Variants in EFCC1 observed in about 807,000 individuals in gnomAD.
EFCC1 encodes the protein EF-hand and coiled-coil domain-containing protein 1.
In EFCC1, 50 loss-of-function variants were observed where a neutral mutation model predicts 52.1. The ratio of observed to expected loss-of-function variants is 0.96; its 90% CI spans 0.76 to 1.21. EFCC1 has a LOEUF of 1.21. EFCC1 is among the 50% of genes most tolerant of loss of function. The pLI is 0.00. For synonymous variants in EFCC1, 399 were observed against 396.5 expected, an observed-to-expected ratio of 1.01 and a Z score of -0.08; for missense variants, 837 against 867.3, an observed-to-expected ratio of 0.97 and a Z score of 0.44.
At chr3:129,005,664 G>A (rs1186628586) in intron 2 of EFCC1, among the ~76,000 whole-genome samples, 8 of 152,214 alleles carry the variant, frequency 5.3e-5, no homozygotes, top group Non-Finnish European at 1.0e-4. Flanking sequence ...AGGTGGTCTA[G>A]CCCAGGCTGG....
At chr3:129,005,759 G>A (rs1360271722) in intron 2 of EFCC1, among the ~76,000 whole-genome samples, 1 of 152,248 alleles carries the variant, frequency 6.6e-6, no homozygotes, top group Non-Finnish European at 1.5e-5. Context: ...CATGGGGCTA[G>A]AGGGAGGCCT....
At chr3:129,030,500 T>G in intron 2 of EFCC1, 2 of 462,050 alleles carry the variant, frequency 4.3e-6, no homozygotes, top group Non-Finnish European at 7.0e-6. Context: ...TGAGTCCCAT[T>G]GGCTAAAACT....
chr3:129,015,262 C>T (rs1422530565), intron 2 of EFCC1, among the ~76,000 whole-genome samples: 4 of 152,160 alleles, frequency 2.6e-5, no homozygotes, highest in African/African-American at 9.7e-5. Flanking sequence ...AAGCCTACTC[C>T]TGACCAATCC....
At chr3:129,033,311 C>T (rs1221082208) in intron 4 of EFCC1, among the ~76,000 whole-genome samples, 2 of 152,194 alleles carry the variant, frequency 1.3e-5, no homozygotes. Flanking sequence ...CACAGCTCTC[C>T]AGCCTGGCCC....
chr3:129,002,151 C>T lies in EFCC1; in HGVS notation c.523C>T (p.Arg175Cys), dbSNP rs1944809256. ...ALSEHIETQI[R>C]LRRPRRRRRP... is the part of the protein sequence containing the mutation. Reference sequence around the variant, plus strand: ...CAGCGAGCACATCGAGACGCAGATCCGCCTGCGCCGTCCGCGCCGCCGCCG... The same window carrying T: ...CAGCGAGCACATCGAGACGCAGATCTGCCTGCGCCGTCCGCGCCGCCGCCG... Residue 175 changes from arginine to cysteine, a missense_variant, in exon 1 of 8, where the codon CGC becomes TGC. By Grantham distance (180) the Arg-to-Cys change is radical. Transcript: ENST00000683648. 6.8e-7 allele frequency: 1 copy of T among 1,470,266 alleles called. No homozygotes were observed. The highest frequency in any genetic ancestry group is 8.9e-7 in the Non-Finnish European group (1 of 1,121,174). 91.1% of individuals were successfully genotyped at this position (1,470,266 alleles called of 1,614,324 possible). A position where few individuals can be genotyped will look rare whatever the true frequency, so the allele number is the denominator to read the frequency against.
chr3:129,013,356 C>T (rs1945419420), intron 2 of EFCC1, among the ~76,000 whole-genome samples: 1 of 151,960 alleles, frequency 6.6e-6, no homozygotes, highest in African/African-American at 2.4e-5. Context: ...TGCCTTAGGC[C>T]AAAAGAAAAG....
In EFCC1 at chr3:129,040,022, C is replaced by T. The variant is rs1413419023; in HGVS notation, c.*174C>T. On this transcript the variant is annotated 3_prime_UTR_variant, in exon 8 of 8. Transcript: ENST00000683648. The surrounding 1 kb of genome is among the most constrained non-coding windows in gnomAD (Gnocchi z 4.4). ...AGCCCAGAGCCTCCCATTGCAGCACCTGGCAGCCACCCCTTCCTCGGGCTC... is the reference window on the plus strand; with the variant it reads ...AGCCCAGAGCCTCCCATTGCAGCACTTGGCAGCCACCCCTTCCTCGGGCTC... 1.3e-6 allele frequency: 1 copy of T among 771,364 alleles called. No individual in the cohort carries two copies. The highest frequency in any genetic ancestry group is 1.8e-5 in the African/African-American group (1 of 55,552). 47.8% of individuals were successfully genotyped at this position (771,364 alleles called of 1,614,324 possible). A position where few individuals can be genotyped will look rare whatever the true frequency, so the allele number is the denominator to read the frequency against.
rs1479777999 is a variant in EFCC1 at position 129,001,692 on chromosome 3, C to T, written c.64C>T (p.Arg22Ter). The T allele has an allele frequency of 1.0e-5, 15 of 1,489,794 alleles. No individual in the cohort carries two copies. In the East Asian group the frequency reaches 2.7e-4, roughly 27 times the overall value. 92.3% of individuals were successfully genotyped at this position (1,489,794 alleles called of 1,614,324 possible). Reference protein sequence around the residue: ...MEGAGGDPYRRPARRTQWLLS... With the variant: ...MEGAGGDPYR ...GGGCGCGGGAGGTGACCCGTACCGG[C>T]GACCTGCGCGGCGCACGCAGTGGCT... The change falls in exon 1 of 8, where the codon CGA becomes TGA. Residue 22 changes from arginine (R) to a stop codon, truncating the protein, a stop_gained. Transcript: ENST00000683648. LOFTEE classifies it high-confidence loss of function.
intron 2 of EFCC1, among the ~76,000 whole-genome samples, chr3:129,007,788 G>A (rs1346267205): frequency 6.6e-6 from 1 of 152,172 alleles, no homozygotes; most frequent in East Asian, 1.9e-4. Context: ...GTTCATGTTA[G>A]GGCTTCTATT....
chr3:129,021,835 C>T (rs1227572207), intron 2 of EFCC1, among the ~76,000 whole-genome samples: 1 of 152,134 alleles, frequency 6.6e-6, no homozygotes, highest in African/African-American at 2.4e-5. Flanking sequence ...TATCATAAAA[C>T]TCCTTTCCTT....
chr3:129,016,307 C>T (rs569771277), intron 2 of EFCC1, among the ~76,000 whole-genome samples: 212 of 152,266 alleles, frequency 1.4e-3, no homozygotes, highest in African/African-American at 4.8e-3. Flanking sequence ...GCCAAACAGG[C>T]TTCTGTGTGA....
At position 129,001,505 on chromosome 3, in the gene EFCC1, C is replaced by G. The variant is rs147900895; in HGVS notation, c.-124C>G. 7.7e-7 allele frequency: 1 copy of G among 1,303,600 alleles called. No homozygotes were observed. Among genetic ancestry groups the G allele is most frequent in the Non-Finnish European group, 9.8e-7 (1 of 1,024,436 alleles). 80.8% of individuals were successfully genotyped at this position (1,303,600 alleles called of 1,614,324 possible). A position where few individuals can be genotyped will look rare whatever the true frequency, so the allele number is the denominator to read the frequency against. On this transcript the variant is annotated 5_prime_UTR_variant, in exon 1 of 8. Transcript: ENST00000683648. The stretch of plus-strand genomic sequence containing the variant: ...CGCAGCTGCTGGACACGGTCCCCGG[C>G]GCCGCTCCAACCAGACCGCGACCGC...
chr3:129,038,654 G>A (rs991200227), intron 6 of EFCC1, among the ~76,000 whole-genome samples, 177 bp from the exon 7 acceptor site: 20 of 152,174 alleles, frequency 1.3e-4, no homozygotes, highest in Non-Finnish European at 2.6e-4. Flanking sequence ...AAGAGTCTCT[G>A]GGAAGTGCAG....
intron 4 of EFCC1, among the ~76,000 whole-genome samples, chr3:129,033,430 C>A (rs1450457315): frequency 6.6e-6 from 1 of 152,180 alleles, no homozygotes; most frequent in Non-Finnish European, 1.5e-5. Context: ...CTTCTCCGAA[C>A]CTCAGTCTTC....
chr3:129,002,425 G>C (rs956048000), intron 1 of EFCC1, 101 bp downstream of exon 1: 3 of 1,419,092 alleles, frequency 2.1e-6, no homozygotes, highest in African/African-American at 3.0e-5. Context: ...CAGAGGAAGG[G>C]GAGACAGAGG....
intron 2 of EFCC1, among the ~76,000 whole-genome samples, chr3:129,024,539 AG>A (rs1946014762): frequency 6.6e-6 from 1 of 151,372 alleles, no homozygotes; most frequent in Non-Finnish European, 1.5e-5. Flanking sequence ...GCAAAAAAAA[AG>A]AAAAAAAAAA....
Position 129,001,357 on chromosome 3 carries a change from A to G in EFCC1, c.-272A>G, listed in dbSNP as rs997156769. The stretch of plus-strand genomic sequence containing the variant: ...AGAGGAGAGCGTGGGAGTCACGCGG[A>G]GAAGCCAGACCCAGACGCCGACCGG... On this transcript the variant is annotated 5_prime_UTR_variant, in exon 1 of 8. Coordinates refer to ENST00000683648, the MANE Select transcript of EFCC1 (RefSeq NM_001377500.1). 6.6e-6 allele frequency among the ~76,000 whole-genome samples: 1 copy of G among 152,196 alleles called. No homozygotes were observed. Among genetic ancestry groups the G allele is most frequent in the Non-Finnish European group, 1.5e-5 (1 of 68,022 alleles).
At position 129,014,456 on chromosome 3, in the gene EFCC1, G is replaced by T. The variant is rs145617808; in HGVS notation, c.980+10379G>T. Among the ~76,000 whole-genome samples, 755 of 152,324 alleles carry T rather than the reference G, an allele frequency of 5.0e-3. 7 individuals carry two copies. Among genetic ancestry groups the T allele is most frequent in the African/African-American group, 0.017 (718 of 41,576 alleles). On this transcript the variant is annotated intron_variant, in intron 2 of 7. Transcript: ENST00000683648. The surrounding 1 kb of genome is among the most constrained non-coding windows in gnomAD (Gnocchi z 4.3). ...AGGGCCGCCTTCTCCCTGTATCCTC[G>T]CGTGGTCTTCCTTCTGTGTGTATTT... is the stretch of plus-strand genomic sequence containing the variant.
intron 1 of EFCC1, among the ~76,000 whole-genome samples, chr3:129,003,494 G>A (rs541552320): frequency 1.2e-4 from 19 of 152,140 alleles, no homozygotes; most frequent in African/African-American, 3.6e-4. Flanking sequence ...AGAGTCGCGA[G>A]GTTGGTACTA....
Sources: gnomAD v4.1 joint callset for allele counts (sites outside exome capture counted in the v4.1 genomes callset) on GRCh38, gnomAD v4.1.1 for gene constraint, Gnocchi (gnomAD v3.1) non-coding constraint, MANE v1.5 for transcripts, NCBI Gene and HGNC (gene_info 2026-07-23, HGNC 2026-07-21) for gene names.